Variants in CSNK2A2 observed in about 807,000 individuals in gnomAD.
CSNK2A2 encodes the protein casein kinase II subunit alpha'.
A neutral mutation model predicts 54.0 loss-of-function variants in CSNK2A2; 8 were observed. The observed-to-expected ratio is 0.15, with a 90% confidence interval of 0.09 to 0.27. The LOEUF (loss-of-function observed/expected upper bound fraction) is 0.27, where lower values mean the gene tolerates loss of function less well. CSNK2A2 is among the 10% of genes least tolerant of loss of function. The pLI is 1.00. For missense variants in CSNK2A2, 242 were observed against 439.4 expected (o/e 0.55, Z 4.02); for synonymous variants, 141 against 153.9 (o/e 0.92, Z 0.62).
intron 2 of CSNK2A2, among the ~76,000 whole-genome samples, chr16:58,193,104 C>G (rs2550361): frequency 6.6e-6 from 1 of 152,258 alleles, no homozygotes; most frequent in Non-Finnish European, 1.5e-5. Flanking sequence ...TAGTGAAAAT[C>G]AGAATGTACC....
intron 4 of CSNK2A2, among the ~76,000 whole-genome samples, chr16:58,183,530 A>T (rs895406511): frequency 6.6e-6 from 1 of 152,158 alleles, no homozygotes; most frequent in Non-Finnish European, 1.5e-5. Context: ...CAGAGTTACA[A>T]TCAACTACAA....
At chr16:58,170,826 G>T (rs575953082) in intron 5 of CSNK2A2, among the ~76,000 whole-genome samples, 7 of 151,984 alleles carry the variant, frequency 4.6e-5, no homozygotes, top group African/African-American at 1.7e-4. Flanking sequence ...AGATTGTTAA[G>T]CTCCATTTTT....
chr16:58,182,205 TG>T (rs1288072272), intron 4 of CSNK2A2, among the ~76,000 whole-genome samples: 1 of 151,766 alleles, frequency 6.6e-6, no homozygotes, highest in African/African-American at 2.4e-5. Flanking sequence ...CTTCAGCAGT[TG>T]TTAAATCAAC....
intron 2 of CSNK2A2, among the ~76,000 whole-genome samples, chr16:58,187,827 C>G (rs553931272): frequency 6.6e-6 from 1 of 152,194 alleles, no homozygotes; most frequent in Non-Finnish European, 1.5e-5. Context: ...CAGAGAGGGG[C>G]AGGAATCAAA....
intron 2 of CSNK2A2, among the ~76,000 whole-genome samples, chr16:58,190,193 A>C (rs545675841): frequency 5.3e-4 from 80 of 152,308 alleles, no homozygotes; most frequent in African/African-American, 1.9e-3. Flanking sequence ...ATTCAAACTC[A>C]ATCAGTTTAG....
intron 4 of CSNK2A2, 83 bp downstream of exon 4, chr16:58,184,177 C>T (rs1157306716): frequency 1.9e-6 from 2 of 1,047,572 alleles, no homozygotes; most frequent in East Asian, 2.6e-5. Context: ...AGCCCTGGCC[C>T]CTTGGGTTCT....
intron 8 of CSNK2A2, among the ~76,000 whole-genome samples, chr16:58,166,903 A>G (rs1961578655): frequency 6.6e-6 from 1 of 152,150 alleles, no homozygotes. Context: ...TACGATAATA[A>G]TCTTCTAGAG....
rs1250089462 is a variant in CSNK2A2 at position 58,164,073 on chromosome 16, A to G, written c.1051T>C (p.Ter351ArgextTer66). 1.9e-6 allele frequency: 3 copies of G among 1,613,138 alleles called. No individual in the cohort carries two copies. Among genetic ancestry groups the G allele is most frequent in the South Asian group, 1.1e-5 (1 of 90,792 alleles). The change falls in exon 11 of 12, where the codon TGA (stop) becomes CGA (arginine). Residue 351 changes from the stop codon to arginine, a stop_lost. Coordinates refer to ENST00000262506, the MANE Select transcript of CSNK2A2 (RefSeq NM_001896.4). Reference protein sequence around the residue: ...VLSSGLTAAR* With the variant: ...VLSSGLTAARR ...CATTACCCGTCGCTTTCCAGTCTTC[A>G]TCGTGCTGCCGTGAGACCACTGGAA...
chr16:58,184,586 G>T (rs1404194005), intron 3 of CSNK2A2, among the ~76,000 whole-genome samples: 1 of 152,154 alleles, frequency 6.6e-6, no homozygotes, highest in Non-Finnish European at 1.5e-5. Flanking sequence ...CATGTGTGAG[G>T]GAAGTTCATT....
At chr16:58,184,179 T>C in intron 4 of CSNK2A2, 81 bp downstream of exon 4, 1 of 1,095,548 alleles carries the variant, frequency 9.1e-7, no homozygotes, top group East Asian at 2.6e-5. Context: ...CCCTGGCCCC[T>C]TGGGTTCTGG....
chr16:58,180,585 C>T (rs569909379), intron 4 of CSNK2A2, among the ~76,000 whole-genome samples: 3 of 152,184 alleles, frequency 2.0e-5, no homozygotes, highest in Admixed American at 1.3e-4. Flanking sequence ...CATATAATAC[C>T]TATCTTACAT....
At chr16:58,192,259 A>G (rs760638561) in intron 2 of CSNK2A2, among the ~76,000 whole-genome samples, 1 of 152,176 alleles carries the variant, frequency 6.6e-6, no homozygotes, top group Non-Finnish European at 1.5e-5. Context: ...GTAGATCCTG[A>G]AATTAAACTC....
At chr16:58,174,967 C>A (rs764934122) in intron 4 of CSNK2A2, among the ~76,000 whole-genome samples, 1 of 152,038 alleles carries the variant, frequency 6.6e-6, no homozygotes, top group Admixed American at 6.6e-5. Context: ...AAAACAGTGG[C>A]GACACAGGCT....
intron 4 of CSNK2A2, among the ~76,000 whole-genome samples, chr16:58,183,636 T>C (rs1962121265): frequency 6.6e-6 from 1 of 152,194 alleles, no homozygotes; most frequent in Non-Finnish European, 1.5e-5. Context: ...ATGTCTAGTA[T>C]GCCTAACCCC....
At position 58,165,817 on chromosome 16, in the gene CSNK2A2, T is replaced by C. The variant is rs1192745897; in HGVS notation, c.828-109A>G. On this transcript the variant is annotated intron_variant, in intron 9 of 11. Coordinates refer to ENST00000262506, the MANE Select transcript of CSNK2A2 (RefSeq NM_001896.4). Reference sequence around the variant, plus strand: ...TCAGAATAATGTACTGATTACAAGCTTGTTAAATCTCTAACTGGTGCCTGC... The same window carrying C: ...TCAGAATAATGTACTGATTACAAGCCTGTTAAATCTCTAACTGGTGCCTGC... The C allele has an allele frequency of 1.3e-5, 16 of 1,188,654 alleles. No individual in the cohort carries two copies. In the Admixed American group the frequency reaches 1.7e-4, roughly 12 times the overall value. The allele number at this position is 1,188,654 out of a possible 1,614,324, so 73.6% of individuals were successfully genotyped here.
intron 3 of CSNK2A2, among the ~76,000 whole-genome samples, chr16:58,184,895 TATA>T (rs1321498157): frequency 6.6e-6 from 1 of 152,202 alleles, no homozygotes; most frequent in African/African-American, 2.4e-5. Flanking sequence ...TAAGCTATAC[TATA>T]ATATTATTGC....
chr16:58,193,528 T>G (rs1054894797), intron 2 of CSNK2A2, among the ~76,000 whole-genome samples: 1 of 152,232 alleles, frequency 6.6e-6, no homozygotes, highest in Non-Finnish European at 1.5e-5. Flanking sequence ...TTCAAAATGC[T>G]GTTTTTTAAA....
chr16:58,164,404 CTCTAATTTCCCACTGT>C (rs1961500690), intron 10 of CSNK2A2, among the ~76,000 whole-genome samples: 1 of 152,190 alleles, frequency 6.6e-6, no homozygotes, highest in African/African-American at 2.4e-5. Flanking sequence ...GGCATAGAAA[CTCTAATTTCCCACTGT>C]TCAAATTTCT....
intron 5 of CSNK2A2, among the ~76,000 whole-genome samples, chr16:58,170,185 A>G (rs1457688872): frequency 6.6e-6 from 1 of 150,946 alleles, no homozygotes; most frequent in Non-Finnish European, 1.5e-5. Context: ...ATCCAGTTTT[A>G]GAACATCTCC....
Sources: gnomAD v4.1 joint callset for allele counts (sites outside exome capture counted in the v4.1 genomes callset) on GRCh38, gnomAD v4.1.1 for gene constraint, MANE v1.5 for transcripts, NCBI Gene and HGNC (gene_info 2026-07-23, HGNC 2026-07-21) for gene names.